Variants in ZEB2 observed in about 807,000 individuals in gnomAD.
ZEB2 encodes zinc finger E-box binding homeobox 2.
In ZEB2, 6 loss-of-function variants were observed where a neutral mutation model predicts 99.9. The ratio of observed to expected loss-of-function variants is 0.06; its 90% CI spans 0.03 to 0.12. The LOEUF (loss-of-function observed/expected upper bound fraction) is 0.12. Ranked by LOEUF, ZEB2 falls within the 10% of genes least tolerant of loss-of-function variation. ZEB2 has a pLI of 1.00. For synonymous variants in ZEB2, 517 were observed against 542.5 expected, an observed-to-expected ratio of 0.95 and a Z score of 0.65; for missense variants, 969 against 1,502.8, an observed-to-expected ratio of 0.64 and a Z score of 5.87.
chr2:144,511,428 A>G, intron 2 of ZEB2: 1 of 1,240,578 alleles, frequency 8.1e-7, no homozygotes, highest in Non-Finnish European at 1.0e-6. Context: ...ACTACTAGTT[A>G]CACTTTTCCT....
chr2:144,457,349 A>G (rs1356825675), intron 2 of ZEB2, among the ~76,000 whole-genome samples: 1 of 152,154 alleles, frequency 6.6e-6, no homozygotes, highest in East Asian at 1.9e-4. Context: ...CTCGTGTTAG[A>G]ATCTGGATCT....
chr2:144,510,956 G>T (rs1301662323), intron 2 of ZEB2, among the ~76,000 whole-genome samples: 1 of 152,192 alleles, frequency 6.6e-6, no homozygotes, highest in Non-Finnish European at 1.5e-5. Context: ...CGTGTCAGGG[G>T]TTCAGCTAAC....
Position 144,398,846 on chromosome 2 carries a change from T to C in ZEB2, c.2341A>G (p.Asn781Asp). 6.2e-7 allele frequency: 1 copy of C among 1,614,184 alleles called. No homozygotes were observed. The highest frequency in any genetic ancestry group is 8.5e-7 in the Non-Finnish European group (1 of 1,180,022). ...GAAAGATTTAAGGGAGAAGGAGTAT[T>C]ACTCCTGGAGTGGTCCAATTTTTCA... ...PVEKLDHSRSNTPSPLNLSST... is the reference protein window; with the variant it reads ...PVEKLDHSRSDTPSPLNLSST... Residue 781 changes from asparagine (N) to aspartate (D), a missense_variant, in exon 8 of 10, where the codon AAT becomes GAT. By Grantham distance (23) the Asn-to-Asp change is conservative. Coordinates refer to ENST00000627532, the MANE Select transcript of ZEB2 (RefSeq NM_014795.4).
rs1705071128 is a variant in ZEB2 at position 144,513,194 on chromosome 2, C to T, written c.73+4084G>A. 3.9e-6 allele frequency: 5 copies of T among 1,287,202 alleles called. No homozygotes were observed. The South Asian group carries it at 6.2e-5, about 16-fold the overall frequency. The allele number at this position is 1,287,202 out of a possible 1,614,324, so 79.7% of individuals were successfully genotyped here. ...GAGCAACTTCTCCGTCCCTCATTGC[C>T]TCTAACCATCACTACCAGCACCTCC... is the stretch of plus-strand genomic sequence containing the variant. On this transcript the variant is annotated intron_variant, in intron 2 of 9. Coordinates refer to ENST00000627532, the MANE Select transcript of ZEB2 (RefSeq NM_014795.4).
rs145899386 is a variant in ZEB2, at chr2:144,394,014, C to A, written c.3067+2398G>T. Among the ~76,000 whole-genome samples the A allele has an allele frequency of 9.4e-3, 1,433 of 152,234 alleles. 20 individuals carry two copies. The highest frequency in any genetic ancestry group is 0.032 in the African/African-American group (1,334 of 41,550). On this transcript the variant is annotated intron_variant, in intron 9 of 9. Coordinates refer to ENST00000627532, the MANE Select transcript of ZEB2 (RefSeq NM_014795.4). ...TTGGCTCACTGCAACCTCCGCCTCC[C>A]GGGTTCAAGTGATTCTCCTGCCTTA... is the stretch of plus-strand genomic sequence containing the variant.
chr2:144,460,715 T>C (rs1704181646), intron 2 of ZEB2, among the ~76,000 whole-genome samples: 1 of 152,188 alleles, frequency 6.6e-6, no homozygotes, highest in South Asian at 2.1e-4. Flanking sequence ...AATTTAAAAA[T>C]AATGAAATTA....
chr2:144,497,968 T>G (rs868613128), intron 2 of ZEB2, among the ~76,000 whole-genome samples: 1 of 1,986 alleles, frequency 5.0e-4, no homozygotes, highest in African/African-American at 1.6e-3. Flanking sequence ...TATATTAATA[T>G]TATATATTAT....
At chr2:144,444,358 G>A (rs1703956310) in intron 2 of ZEB2, among the ~76,000 whole-genome samples, 2 of 152,190 alleles carry the variant, frequency 1.3e-5, no homozygotes, top group South Asian at 2.1e-4. Flanking sequence ...TTCAAGTTAA[G>A]CTTTTTTTGG....
chr2:144,474,305 A>T (rs1345767004), intron 2 of ZEB2, among the ~76,000 whole-genome samples: 2 of 152,068 alleles, frequency 1.3e-5, no homozygotes, highest in Non-Finnish European at 2.9e-5. Context: ...TCTACCTCTT[A>T]TGTGCTTCCG....
intron 3 of ZEB2, 113 bp downstream of exon 3, chr2:144,429,656 C>A (rs1221700582): frequency 1.3e-6 from 2 of 1,542,266 alleles, no homozygotes; most frequent in East Asian, 4.5e-5. Flanking sequence ...TGCAAGGGCT[C>A]AATGGAAAGA....
At chr2:144,449,391 CT>C (rs1560628877) in intron 2 of ZEB2, among the ~76,000 whole-genome samples, 3 of 152,114 alleles carry the variant, frequency 2.0e-5, no homozygotes, top group African/African-American at 7.2e-5. Context: ...CTTTAACATC[CT>C]AAATGACAAA....
At position 144,399,745 on chromosome 2, in the gene ZEB2, T is replaced by C. The variant is rs763985342; in HGVS notation, c.1442A>G (p.Glu481Gly). ...VSRQKMDCKA[E>G]EISKLKGYHM... ...ATAACCTTTCAACTTTGAAATTTCT[T>C]CAGCCTTGCAGTCCATTTTTTGCCT... The change falls in exon 8 of 10, where the codon GAA becomes GGA. Residue 481 changes from glutamate to glycine, a missense_variant. Physicochemically the swap from Glu to Gly is moderately conservative, Grantham distance 98. Transcript: ENST00000627532. This position sits in a 1 kb window ranked among gnomAD's most constrained non-coding sequence, Gnocchi z 5.6. 6.2e-7 allele frequency: 1 copy of C among 1,613,838 alleles called. No homozygotes were observed. Among genetic ancestry groups the C allele is most frequent in the East Asian group, 2.2e-5 (1 of 44,884 alleles).
intron 2 of ZEB2, among the ~76,000 whole-genome samples, chr2:144,483,656 T>A (rs550538216): frequency 1.3e-5 from 2 of 152,274 alleles, no homozygotes; most frequent in Non-Finnish European, 2.9e-5. Context: ...TGAAGGGCCT[T>A]GTATTATTTG....
At chr2:144,413,680 C>T (rs578013442) in intron 4 of ZEB2, among the ~76,000 whole-genome samples, 1 of 152,190 alleles carries the variant, frequency 6.6e-6, no homozygotes, top group Non-Finnish European at 1.5e-5. Context: ...AAGAATATGA[C>T]ATACTTTGTA....
At chr2:144,431,536 G>A (rs1250880211) in intron 2 of ZEB2, among the ~76,000 whole-genome samples, 3 of 151,840 alleles carry the variant, frequency 2.0e-5, no homozygotes, top group African/African-American at 7.3e-5. Flanking sequence ...AAATGAAAAC[G>A]GCAGCGGAGC....
intron 2 of ZEB2, among the ~76,000 whole-genome samples, chr2:144,491,224 C>T (rs1047906981): frequency 2.6e-5 from 4 of 152,218 alleles, no homozygotes. Flanking sequence ...TTTCCCTTTG[C>T]CTTGGGTTTA....
At chr2:144,394,817 C>T (rs1191188644) in intron 9 of ZEB2, among the ~76,000 whole-genome samples, 2 of 152,098 alleles carry the variant, frequency 1.3e-5, no homozygotes, top group African/African-American at 4.8e-5. Flanking sequence ...AAAACCCTCC[C>T]CACACTATCA....
chr2:144,408,449 A>G (rs1703415475), intron 4 of ZEB2, among the ~76,000 whole-genome samples: 1 of 152,214 alleles, frequency 6.6e-6, no homozygotes, highest in Admixed American at 6.5e-5. Flanking sequence ...TAAGTATTCA[A>G]AAAGGGTTTC....
rs7568421 is a variant in ZEB2 at position 144,406,809 on chromosome 2, G to A, written c.404-1785C>T. On this transcript the variant is annotated intron_variant, in intron 4 of 9. Transcript: ENST00000627532. The stretch of plus-strand genomic sequence containing the variant: ...TGACATCCTTGGCTATAGTATGATA[G>A]GGATTGGAGAAAGAGAAAAGTAGGT... Among the ~76,000 whole-genome samples, 658 of 152,294 alleles carry A rather than the reference G, an allele frequency of 4.3e-3. 5 individuals carry two copies. The highest frequency in any genetic ancestry group is 0.015 in the African/African-American group (628 of 41,564).
Sources: gnomAD v4.1 joint callset for allele counts (sites outside exome capture counted in the v4.1 genomes callset) on GRCh38, gnomAD v4.1.1 for gene constraint, Gnocchi (gnomAD v3.1) non-coding constraint, MANE v1.5 for transcripts, NCBI Gene and HGNC (gene_info 2026-07-23, HGNC 2026-07-21) for gene names.